HS6ST3: variants seen among roughly 807,000 people sequenced by gnomAD.
HS6ST3 encodes heparan sulfate 6-O-sulfotransferase 3, also known as heparan-sulfate 6-O-sulfotransferase 3.
A neutral mutation model predicts 36.7 loss-of-function variants in HS6ST3; 12 were observed. That is an observed-to-expected ratio of 0.33 (90% confidence interval 0.21 to 0.53). The LOEUF (loss-of-function observed/expected upper bound fraction) is 0.53. HS6ST3 is among the 20% of genes least tolerant of loss of function. HS6ST3 has a pLI of 0.95. For synonymous variants in HS6ST3, 240 were observed against 257.5 expected (o/e 0.93, Z 0.65); for missense variants, 584 against 640.9 (o/e 0.91, Z 0.96).
intron 1 of HS6ST3, among the ~76,000 whole-genome samples, chr13:96,200,962 T>TA (rs754816014): frequency 4.3e-4 from 66 of 152,294 alleles, no homozygotes; most frequent in Middle Eastern, 3.4e-3. Context: ...CTAGAAAACT[T>TA]ACGGCTGTGA....
intron 1 of HS6ST3, among the ~76,000 whole-genome samples, chr13:96,577,850 G>T (rs2056327568): frequency 6.6e-6 from 1 of 152,210 alleles, no homozygotes; most frequent in South Asian, 2.1e-4. Context: ...AACAGATGCT[G>T]GAGAGGATGT....
chr13:96,127,615 T>C (rs369987378), intron 1 of HS6ST3, among the ~76,000 whole-genome samples: 1 of 152,230 alleles, frequency 6.6e-6, no homozygotes, highest in African/African-American at 2.4e-5. Context: ...CCGTCTGTTA[T>C]CAGGCTTTCT....
At chr13:96,143,335 G>C (rs1167561749) in intron 1 of HS6ST3, among the ~76,000 whole-genome samples, 3 of 150,832 alleles carry the variant, frequency 2.0e-5, no homozygotes, top group Non-Finnish European at 4.4e-5. Context: ...TATTTAGGCT[G>C]ATTATCTGAT....
chr13:96,637,245 G>C (rs2056553200), intron 1 of HS6ST3, among the ~76,000 whole-genome samples: 2 of 152,212 alleles, frequency 1.3e-5, no homozygotes, highest in Admixed American at 6.5e-5. Context: ...TACCAGATTG[G>C]TATGATAAAC....
rs58979172 is a variant in HS6ST3 at position 96,765,588 on chromosome 13, T to TTCTCTCTCTC, written c.708-66870_708-66861dup. ...ACAGAGATGTATGCGCTCTCTCTCT[T>TTCTCTCTCTC]TCTCTCTCTCTCTCTCTCTCTCTCT... On this transcript the variant is annotated intron_variant, in intron 1 of 1. Transcript: ENST00000376705. Among the ~76,000 whole-genome samples, 657 of 142,682 alleles carry TTCTCTCTCTC rather than the reference T, an allele frequency of 4.6e-3. 4 individuals carry two copies. The highest frequency in any genetic ancestry group is 5.4e-3 in the Admixed American group (76 of 14,168). The allele number at this position is 142,682 out of a possible 152,430, so 93.6% of individuals were successfully genotyped here.
intron 1 of HS6ST3, among the ~76,000 whole-genome samples, chr13:96,398,628 G>A (rs1002578620): frequency 9.9e-5 from 15 of 152,132 alleles, no homozygotes; most frequent in African/African-American, 3.1e-4. Context: ...GGTTGCTATC[G>A]TAACACAATT....
At chr13:96,717,605 C>T (rs1875733168) in intron 1 of HS6ST3, among the ~76,000 whole-genome samples, 1 of 152,188 alleles carries the variant, frequency 6.6e-6, no homozygotes, top group African/African-American at 2.4e-5. Flanking sequence ...CTATTCGTTA[C>T]TAAGTACTGT....
chr13:96,368,854 T>C (rs984520228), intron 1 of HS6ST3, among the ~76,000 whole-genome samples: 10 of 152,152 alleles, frequency 6.6e-5, no homozygotes, highest in Non-Finnish European at 1.3e-4. Flanking sequence ...TGCTGACACA[T>C]GCCGATGTTT....
At chr13:96,793,591 G>A (rs937883103) in intron 1 of HS6ST3, among the ~76,000 whole-genome samples, 10 of 152,182 alleles carry the variant, frequency 6.6e-5, no homozygotes, top group Admixed American at 2.0e-4. Context: ...ATGGTAGCAC[G>A]TTATTTCTCT....
At chr13:96,261,868 A>G (rs1156973499) in intron 1 of HS6ST3, among the ~76,000 whole-genome samples, 1 of 152,204 alleles carries the variant, frequency 6.6e-6, no homozygotes, top group Non-Finnish European at 1.5e-5. Context: ...AGACTAATCC[A>G]TTTCAGCCTA....
chr13:96,538,482 C>T (rs2056164626), intron 1 of HS6ST3, among the ~76,000 whole-genome samples: 1 of 152,220 alleles, frequency 6.6e-6, no homozygotes, highest in Non-Finnish European at 1.5e-5. Flanking sequence ...CTCACTCTGT[C>T]ACCCAGGCTG....
intron 1 of HS6ST3, among the ~76,000 whole-genome samples, chr13:96,704,770 C>A (rs1241303875): frequency 6.6e-6 from 1 of 152,082 alleles, no homozygotes. Flanking sequence ...GAAATTCCCC[C>A]AAATTCCTAA....
At chr13:96,459,134 ATG>A (rs2055769904) in intron 1 of HS6ST3, among the ~76,000 whole-genome samples, 28 of 140,846 alleles carry the variant, frequency 2.0e-4, no homozygotes, top group East Asian at 4.2e-4. Context: ...AAGAGGTGAC[ATG>A]AAAAGCAGTG....
intron 1 of HS6ST3, among the ~76,000 whole-genome samples, chr13:96,256,900 C>G (rs2054640067): frequency 1.3e-5 from 2 of 152,072 alleles, no homozygotes; most frequent in Non-Finnish European, 2.9e-5. Flanking sequence ...GTCGGGACAA[C>G]AGGAGGAATC....
At chr13:96,292,273 A>G (rs2139399413) in intron 1 of HS6ST3, among the ~76,000 whole-genome samples, 1 of 152,064 alleles carries the variant, frequency 6.6e-6, no homozygotes, top group South Asian at 2.1e-4. Flanking sequence ...TTAAAGTGAT[A>G]GTTAATTTTG....
intron 1 of HS6ST3, among the ~76,000 whole-genome samples, chr13:96,486,687 T>A (rs1045196493): frequency 2.0e-5 from 3 of 152,192 alleles, no homozygotes; most frequent in Non-Finnish European, 4.4e-5. Flanking sequence ...TCTGTTCATA[T>A]CCTTTGCCCA....
chr13:96,584,754 C>T (rs1372592781), intron 1 of HS6ST3, among the ~76,000 whole-genome samples: 2 of 152,182 alleles, frequency 1.3e-5, no homozygotes, highest in African/African-American at 4.8e-5. Flanking sequence ...CTACAGGCTA[C>T]TGAAACCTTT....
At chr13:96,543,918 G>A (rs984653997) in intron 1 of HS6ST3, among the ~76,000 whole-genome samples, 1 of 151,398 alleles carries the variant, frequency 6.6e-6, no homozygotes, top group African/African-American at 2.4e-5. Context: ...ATGGAATGAT[G>A]TGTTTCAACC....
At chr13:96,701,725 T>C (rs1436968511) in intron 1 of HS6ST3, among the ~76,000 whole-genome samples, 2 of 152,096 alleles carry the variant, frequency 1.3e-5, no homozygotes, top group Non-Finnish European at 2.9e-5. Flanking sequence ...TTTGGTAGGC[T>C]GAGGCAAGCG....
Sources: allele counts gnomAD v4.1 joint callset (sites outside exome capture counted in the v4.1 genomes callset), GRCh38; gene constraint gnomAD v4.1.1; transcripts MANE v1.5; gene names NCBI Gene and HGNC (gene_info 2026-07-23, HGNC 2026-07-21).